ELSPBP1: variants seen among roughly 807,000 people sequenced by gnomAD.
The protein encoded by ELSPBP1 is epididymal sperm-binding protein 1.
Under a neutral mutation model 33.3 loss-of-function variants are expected in ELSPBP1, and 38 were observed. The ratio of observed to expected loss-of-function variants is 1.14; its 90% CI spans 0.88 to 1.50. The LOEUF (loss-of-function observed/expected upper bound fraction) is 1.50, where lower values mean the gene tolerates loss of function less well. ELSPBP1 is among the 40% of genes most tolerant of loss of function. The probability of loss-of-function intolerance (pLI) is 0.00; values close to 1 mark genes in which losing one functional copy is unlikely to be tolerated. For missense variants in ELSPBP1, 267 were observed against 263.5 expected, an observed-to-expected ratio of 1.01 and a Z score of -0.09; for synonymous variants, 85 against 94.1, an observed-to-expected ratio of 0.90 and a Z score of 0.56.
chr19:47,999,000 G>C (rs1250593853), intron 1 of ELSPBP1, among the ~76,000 whole-genome samples: 1 of 152,092 alleles, frequency 6.6e-6, no homozygotes, highest in Non-Finnish European at 1.5e-5. Flanking sequence ...CTGTGCGTCA[G>C]AACATGTCAC....
intron 4 of ELSPBP1, among the ~76,000 whole-genome samples, chr19:48,017,915 A>G (rs981765947): frequency 3.3e-5 from 5 of 151,676 alleles, no homozygotes; most frequent in Non-Finnish European, 7.4e-5. Context: ...AAAAAAAAAA[A>G]AAAAAGGAGG....
At position 48,011,146 on chromosome 19, in the gene ELSPBP1, A is replaced by C. The variant is rs1452203884; in HGVS notation, c.70+2409A>C. Among the ~76,000 whole-genome samples, 1 of 151,346 alleles carries C rather than the reference A, an allele frequency of 6.6e-6. No individual in the cohort carries two copies. Among genetic ancestry groups the C allele is most frequent in the Non-Finnish European group, 1.5e-5 (1 of 67,882 alleles). On this transcript the variant is annotated intron_variant, in intron 2 of 6. Coordinates refer to ENST00000339841, the MANE Select transcript of ELSPBP1 (RefSeq NM_022142.5). This position sits in a 1 kb window ranked among gnomAD's most constrained non-coding sequence, Gnocchi z 4.5. Reference sequence around the variant, plus strand: ...CAGTGATGATGATGACGATGATGATAATGATTATGACAATGATGTGATGAG... The same window carrying C: ...CAGTGATGATGATGACGATGATGATCATGATTATGACAATGATGTGATGAG...
At chr19:48,012,012 G>A (rs1386063638) in intron 2 of ELSPBP1, among the ~76,000 whole-genome samples, 3 of 149,256 alleles carry the variant, frequency 2.0e-5, no homozygotes, top group African/African-American at 7.5e-5. Context: ...AGTCCTTATT[G>A]TACGTGGGTT....
At chr19:48,006,574 A>T (rs111653265) in intron 1 of ELSPBP1, among the ~76,000 whole-genome samples, 21,487 of 137,310 alleles carry the variant, frequency 0.16, 2,029 homozygotes, top group Middle Eastern at 0.3. Context: ...AGGTGGTGCC[A>T]CTGCACTCCA....
At chr19:48,001,175 G>GTT (rs58448046) in intron 1 of ELSPBP1, among the ~76,000 whole-genome samples, 6,820 of 142,750 alleles carry the variant, frequency 0.048, 383 homozygotes, top group African/African-American at 0.13. Context: ...CTCTCTCTCT[G>GTT]TTTTTTTTTT....
Position 48,000,938 on chromosome 19 carries a change from G to A in ELSPBP1, c.-18+6127G>A, listed in dbSNP as rs369287604. On this transcript the variant is annotated intron_variant, in intron 1 of 6. Coordinates refer to ENST00000339841, the MANE Select transcript of ELSPBP1 (RefSeq NM_022142.5). ...GTAACAAATCCCCACACACCTAACC[G>A]ACTTGACACACATTTGTTCTCTTAC... is the stretch of plus-strand genomic sequence containing the variant. 4.6e-5 allele frequency among the ~76,000 whole-genome samples: 7 copies of A among 152,298 alleles called. No individual in the cohort carries two copies. The South Asian group carries it at 6.2e-4, about 14-fold the overall frequency.
At chr19:48,013,405 C>T (rs62129076) in intron 2 of ELSPBP1, among the ~76,000 whole-genome samples, 25,551 of 152,148 alleles carry the variant, frequency 0.17, 2,227 homozygotes, top group South Asian at 0.23. Context: ...CTGTCTCAGT[C>T]CATTTGGGTT....
chr19:48,022,349 C>A lies in ELSPBP1; in HGVS notation c.*7+15C>A. On this transcript the variant is annotated intron_variant, in intron 6 of 6. Coordinates refer to ENST00000339841, the MANE Select transcript of ELSPBP1 (RefSeq NM_022142.5). ...CTGATGCTGAGGTGAGAGCAGGGAC[C>A]AACAGTGGTCATTTCACGGATGCAG... 3 of 1,585,912 alleles carry A rather than the reference C, an allele frequency of 1.9e-6. No individual in the cohort carries two copies. Among genetic ancestry groups the A allele is most frequent in the South Asian group, 1.2e-5 (1 of 85,070 alleles).
intron 6 of ELSPBP1, among the ~76,000 whole-genome samples, chr19:48,023,353 GAAGGA>G (rs1967225109): frequency 8.0e-6 from 1 of 124,452 alleles, no homozygotes; most frequent in African/African-American, 3.0e-5. Context: ...AGGAAGGAAA[GAAGGA>G]AGGGAGGAAG....
intron 1 of ELSPBP1, among the ~76,000 whole-genome samples, chr19:48,007,823 T>C (rs1293703297): frequency 6.6e-6 from 1 of 152,132 alleles, no homozygotes; most frequent in African/African-American, 2.4e-5. Context: ...CCAATCCAGG[T>C]CTGAGTGTTA....
intron 5 of ELSPBP1, among the ~76,000 whole-genome samples, chr19:48,020,900 C>T (rs1967192508): frequency 6.6e-6 from 1 of 152,192 alleles, no homozygotes; most frequent in Non-Finnish European, 1.5e-5. Flanking sequence ...AGGGGTCAGT[C>T]CGAATAGCTG....
At chr19:48,008,776 G>A (rs1967048818) in intron 2 of ELSPBP1, 39 bp downstream of exon 2, 1 of 1,561,248 alleles carries the variant, frequency 6.4e-7, no homozygotes, top group African/African-American at 1.4e-5. Flanking sequence ...TTTAGAAGCT[G>A]GAGAAGAATG....
intron 2 of ELSPBP1, among the ~76,000 whole-genome samples, chr19:48,010,286 G>A (rs1421901048): frequency 3.3e-5 from 5 of 152,158 alleles, no homozygotes; most frequent in African/African-American, 1.2e-4. Context: ...ACTTGATGGG[G>A]TATCCACTTT....
In ELSPBP1 at chr19:48,011,451, T is replaced by C. The variant is rs1354337483; in HGVS notation, c.70+2714T>C. 7.1e-6 allele frequency among the ~76,000 whole-genome samples: 1 copy of C among 140,812 alleles called. No homozygotes were observed. Among genetic ancestry groups the C allele is most frequent in the East Asian group, 2.0e-4 (1 of 4,950 alleles). 92.4% of individuals were successfully genotyped at this position (140,812 alleles called of 152,430 possible). A position where few individuals can be genotyped will look rare whatever the true frequency, so the allele number is the denominator to read the frequency against. ...AGAATAATGATCACGATGACAGTGA[T>C]GATGATGACAATGACAATAATGAGG... On this transcript the variant is annotated intron_variant, in intron 2 of 6. Coordinates refer to ENST00000339841, the MANE Select transcript of ELSPBP1 (RefSeq NM_022142.5). The surrounding 1 kb of genome is among the most constrained non-coding windows in gnomAD (Gnocchi z 4.5).
intron 2 of ELSPBP1, among the ~76,000 whole-genome samples, chr19:48,012,392 A>G (rs891577187): frequency 2.0e-4 from 31 of 152,278 alleles, no homozygotes; most frequent in African/African-American, 7.2e-4. Flanking sequence ...TGCTGGGATT[A>G]CAGGCATGGA....
Position 48,021,370 on chromosome 19 carries a change from T to C in ELSPBP1, c.515-800T>C, listed in dbSNP as rs142021117. The stretch of plus-strand genomic sequence containing the variant: ...CATTCTGAGCAGTGCCCAGGCAGTG[T>C]CTTCATGTGTAGGGTTTACCCAGAT... On this transcript the variant is annotated intron_variant, in intron 5 of 6. Transcript: ENST00000339841. Among the ~76,000 whole-genome samples, 1,225 of 152,208 alleles carry C rather than the reference T, an allele frequency of 8.0e-3. 15 individuals carry two copies. The highest frequency in any genetic ancestry group is 0.027 in the African/African-American group (1,115 of 41,532).
chr19:48,007,650 C>T (rs1013002469), intron 1 of ELSPBP1, among the ~76,000 whole-genome samples: 33 of 152,168 alleles, frequency 2.2e-4, no homozygotes, highest in Middle Eastern at 3.4e-3. Context: ...TTAATGAGGA[C>T]GGTAAATGCT....
At chr19:48,012,972 G>T (rs1967093336) in intron 2 of ELSPBP1, among the ~76,000 whole-genome samples, 1 of 152,164 alleles carries the variant, frequency 6.6e-6, no homozygotes, top group African/African-American at 2.4e-5. Context: ...TTGAGTTTGA[G>T]TCCTGCTCCC....
chr19:48,024,165 T>C (rs542308953), intron 6 of ELSPBP1, among the ~76,000 whole-genome samples: 52 of 152,108 alleles, frequency 3.4e-4, no homozygotes, highest in African/African-American at 1.2e-3. Context: ...ATTACAGGCG[T>C]GAGTCACTGT....
Sources: allele counts gnomAD v4.1 joint callset (sites outside exome capture counted in the v4.1 genomes callset), GRCh38; gene constraint gnomAD v4.1.1; non-coding constraint Gnocchi (gnomAD v3.1); transcripts MANE v1.5; gene names NCBI Gene and HGNC (gene_info 2026-07-23, HGNC 2026-07-21).